The following ACTR3C variants were observed in gnomAD, a reference collection of about 807,000 sequenced individuals.
ACTR3C encodes the protein actin-related protein 3C.
In ACTR3C, 18 loss-of-function variants were observed where a neutral mutation model predicts 26.3. The observed-to-expected ratio is 0.68, with a 90% CI of 0.47 to 1.01. The LOEUF (loss-of-function observed/expected upper bound fraction) is 1.01. Among genes scored for constraint, ACTR3C ranks in the 50% least tolerant of loss-of-function variants. ACTR3C has a pLI of 0.00. For synonymous variants in ACTR3C, 55 were observed against 94.5 expected, an observed-to-expected ratio of 0.58 and a Z score of 2.42; for missense variants, 184 against 250.7, an observed-to-expected ratio of 0.73 and a Z score of 1.80.
At chr7:150,142,718 G>GCT in the ACTR3C span, among the ~76,000 whole-genome samples, 2 of 152,028 alleles carry the variant, frequency 1.3e-5, no homozygotes, top group Admixed American at 1.3e-4. Context: ...TAGTAGAGAT[G>GCT]GGGTTTTACT....
chr7:150,003,243 CATTTGTGTGTGTG>C, the ACTR3C span, among the ~76,000 whole-genome samples: 2 of 151,856 alleles, frequency 1.3e-5, no homozygotes, highest in Admixed American at 6.6e-5. Context: ...GTGGTGTTTG[CATTTGTGTGTGTG>C]GTTTGTGTGT....
At chr7:149,977,955 G>T in the ACTR3C span, among the ~76,000 whole-genome samples, 1 of 151,278 alleles carries the variant, frequency 6.6e-6, no homozygotes, top group Non-Finnish European at 1.5e-5. Context: ...AACAGTGTAT[G>T]TATCAATGGA....
chr7:150,110,945 G>C, the ACTR3C span, among the ~76,000 whole-genome samples: 1 of 149,784 alleles, frequency 6.7e-6, no homozygotes, highest in African/African-American at 2.5e-5. Context: ...TGGAGAGAGG[G>C]CCCCCTTGCA....
the ACTR3C span, among the ~76,000 whole-genome samples, chr7:149,963,825 C>T: frequency 1.3e-5 from 2 of 152,188 alleles, no homozygotes; most frequent in Non-Finnish European, 2.9e-5. Context: ...TTTTTAAAGA[C>T]TAAATAAAAT....
chr7:150,323,352 C>G (rs922314296), intron 1 of ACTR3C, 117 bp downstream of exon 1: 5 of 276,934 alleles, frequency 1.8e-5, no homozygotes, highest in African/African-American at 9.5e-5. Flanking sequence ...GGGCGCGTTC[C>G]GGGAGCTCAG....
chr7:149,905,632 A>G, the ACTR3C span, among the ~76,000 whole-genome samples: 2 of 151,192 alleles, frequency 1.3e-5, no homozygotes, highest in African/African-American at 4.9e-5. Flanking sequence ...AAGAGTTCCT[A>G]TAATTCCACT....
chr7:150,037,498 T>C, the ACTR3C span, among the ~76,000 whole-genome samples: 133 of 11,960 alleles, frequency 0.011, 51 homozygotes, highest in Admixed American at 0.05. Flanking sequence ...CAGCCGGGGG[T>C]GGAAGAGGGG....
At chr7:150,078,042 C>T in the ACTR3C span, among the ~76,000 whole-genome samples, 3 of 152,148 alleles carry the variant, frequency 2.0e-5, no homozygotes, top group Admixed American at 2.0e-4. Context: ...TAAAATTTGC[C>T]TTAAAATTTC....
At chr7:149,922,970 C>CATTTTTTTTTTTTTT in the ACTR3C span, among the ~76,000 whole-genome samples, 1 of 69,146 alleles carries the variant, frequency 1.4e-5, no homozygotes, top group Non-Finnish European at 2.5e-5. Context: ...AAATAAAAGG[C>CATTTTTTTTTTTTTT]TTTTTTTTTT....
the ACTR3C span, among the ~76,000 whole-genome samples, chr7:150,071,074 G>A: frequency 8.0e-3 from 1,202 of 150,728 alleles, 15 homozygotes; most frequent in African/African-American, 0.027. Flanking sequence ...GATTACAGGC[G>A]TGAGCCACCA....
At chr7:150,320,857 G>A (rs1797441137) in intron 1 of ACTR3C, among the ~76,000 whole-genome samples, 1 of 152,214 alleles carries the variant, frequency 6.6e-6, no homozygotes, top group African/African-American at 2.4e-5. Context: ...TCCTGGGAAT[G>A]CAACCCAGCA....
At chr7:149,889,243 A>C in the ACTR3C span, among the ~76,000 whole-genome samples, 10 of 152,214 alleles carry the variant, frequency 6.6e-5, no homozygotes, top group Non-Finnish European at 1.3e-4. Context: ...TAGATCATGC[A>C]CAGAAACAAA....
chr7:149,972,889 T>C, the ACTR3C span, among the ~76,000 whole-genome samples: 126 of 144,538 alleles, frequency 8.7e-4, no homozygotes, highest in African/African-American at 3.2e-3. Flanking sequence ...GCCCCGTGCG[T>C]GGGCGGCATG....
the ACTR3C span, among the ~76,000 whole-genome samples, chr7:149,991,332 C>A: frequency 6.6e-6 from 1 of 152,212 alleles, no homozygotes; most frequent in African/African-American, 2.4e-5. Flanking sequence ...CACAGCTAAA[C>A]CATATCACCT....
chr7:150,173,549 C>T, the ACTR3C span, among the ~76,000 whole-genome samples: 4 of 149,448 alleles, frequency 2.7e-5, no homozygotes, highest in South Asian at 2.1e-4. Flanking sequence ...ATGAGAGGGG[C>T]TACCATGAAG....
At chr7:150,068,778 G>A in the ACTR3C span, among the ~76,000 whole-genome samples, 52,652 of 105,504 alleles carry the variant, frequency 0.5, 11,032 homozygotes, top group East Asian at 0.65. Flanking sequence ...GCGAGACTCC[G>A]TCCCAAAAAA....
the ACTR3C span, among the ~76,000 whole-genome samples, chr7:149,908,311 G>A: frequency 3.3e-5 from 5 of 152,144 alleles, no homozygotes; most frequent in East Asian, 1.9e-4. Context: ...TAAGACACTC[G>A]TTTCTGAATT....
the ACTR3C span, among the ~76,000 whole-genome samples, chr7:150,172,031 C>T: frequency 2.7e-5 from 4 of 150,624 alleles, no homozygotes; most frequent in Non-Finnish European, 4.4e-5. Context: ...AGGATGGTCT[C>T]GATCTCCTGA....
chr7:150,009,251 T>C, the ACTR3C span, among the ~76,000 whole-genome samples: 3 of 152,172 alleles, frequency 2.0e-5, no homozygotes, highest in Admixed American at 2.0e-4. Flanking sequence ...TCCAAAAGTG[T>C]GGTCACAAGA....
Sources: gnomAD v4.1 joint callset for allele counts (sites outside exome capture counted in the v4.1 genomes callset) on GRCh38, gnomAD v4.1.1 for gene constraint, MANE v1.5 for transcripts, NCBI Gene and HGNC (gene_info 2026-07-23, HGNC 2026-07-21) for gene names.